NCKAP5: variants seen among roughly 807,000 people sequenced by gnomAD.
NCKAP5 encodes the protein NCK associated protein 5, also known as nck-associated protein 5.
A neutral mutation model predicts 167.0 loss-of-function variants in NCKAP5; 92 were observed. The ratio of observed to expected loss-of-function variants is 0.55; its 90% CI spans 0.47 to 0.66. NCKAP5 has a LOEUF of 0.66. Ranked by LOEUF, NCKAP5 falls within the 30% of genes least tolerant of loss-of-function variation. The probability of loss-of-function intolerance (pLI) is 0.00; values close to 1 mark genes in which losing one functional copy is unlikely to be tolerated. For synonymous variants in NCKAP5, 891 were observed against 877.4 expected (o/e 1.02, Z -0.27); for missense variants, 2,378 against 2,315.0 (o/e 1.03, Z -0.56).
intron 3 of NCKAP5, among the ~76,000 whole-genome samples, chr2:133,341,284 AT>A (rs11362448): frequency 0.26 from 37,720 of 145,646 alleles, 4,655 homozygotes; most frequent in East Asian, 0.51. Context: ...AAGTGAGCAG[AT>A]TTTTTTTTTT....
At chr2:133,571,196 T>C (rs4954067), upstream of NCKAP5, among the ~76,000 whole-genome samples, 75,279 of 145,844 alleles carry the variant, frequency 0.52, 19,456 homozygotes, top group South Asian at 0.61. Flanking sequence ...GTTTCCTGCA[T>C]ATTTTTATTT....
At chr2:132,894,626 A>G (rs746609373) in intron 8 of NCKAP5, among the ~76,000 whole-genome samples, 4 of 152,190 alleles carry the variant, frequency 2.6e-5, no homozygotes, top group Admixed American at 6.5e-5. Context: ...CTCAAGGATG[A>G]ATATTGTCCC....
intron 2 of NCKAP5, among the ~76,000 whole-genome samples, chr2:133,519,807 A>C (rs1684323895): frequency 6.6e-6 from 1 of 152,186 alleles, no homozygotes; most frequent in Non-Finnish European, 1.5e-5. Context: ...CTCATATTTT[A>C]GTGAGGCATA....
In NCKAP5 at chr2:132,781,793, G is replaced by T; in HGVS notation, c.4871+147C>A. 5 of 644,722 alleles carry T rather than the reference G, an allele frequency of 7.8e-6. No individual in the cohort carries two copies. In the South Asian group the frequency reaches 8.1e-5, roughly 10 times the overall value. The allele number at this position is 644,722 out of a possible 1,614,324, so 39.9% of individuals were successfully genotyped here. A position where few individuals can be genotyped will look rare whatever the true frequency, so the allele number is the denominator to read the frequency against. The stretch of plus-strand genomic sequence containing the variant: ...CTTTTATTTCATTGCTTAAATTCTG[G>T]CTAATGTATAAAAGACTGCTACTAT... On this transcript the variant is annotated intron_variant, in intron 14 of 19. Coordinates refer to ENST00000409261, the MANE Select transcript of NCKAP5 (RefSeq NM_207363.3).
intron 4 of NCKAP5, among the ~76,000 whole-genome samples, chr2:133,277,339 A>G (rs561822198): frequency 6.6e-6 from 1 of 152,330 alleles, no homozygotes; most frequent in South Asian, 2.1e-4. Context: ...ATTAATATAT[A>G]GAAGTCAGTT....
chr2:133,666,960 A>G, the NCKAP5 span, among the ~76,000 whole-genome samples: 1 of 152,014 alleles, frequency 6.6e-6, no homozygotes, highest in African/African-American at 2.4e-5. Context: ...GCTAAAGAGG[A>G]AGGACTTGAA....
chr2:133,387,943 T>A (rs1450604786), intron 3 of NCKAP5, among the ~76,000 whole-genome samples: 3 of 152,190 alleles, frequency 2.0e-5, no homozygotes, highest in Non-Finnish European at 4.4e-5. Flanking sequence ...TAGCCATTCA[T>A]CCAATCTTTT....
At chr2:133,599,280 G>A in the NCKAP5 span, among the ~76,000 whole-genome samples, 1 of 152,188 alleles carries the variant, frequency 6.6e-6, no homozygotes, top group Non-Finnish European at 1.5e-5. Flanking sequence ...ATCCTAGAAG[G>A]CACTTTGAGA....
At chr2:133,543,957 C>T (rs1198636082) in intron 2 of NCKAP5, among the ~76,000 whole-genome samples, 1 of 152,196 alleles carries the variant, frequency 6.6e-6, no homozygotes, top group East Asian at 1.9e-4. Flanking sequence ...TTATCTCTAT[C>T]CCAGTACTGA....
chr2:133,116,743 C>T (rs1031267845), intron 6 of NCKAP5, among the ~76,000 whole-genome samples: 3 of 152,198 alleles, frequency 2.0e-5, no homozygotes, highest in African/African-American at 4.8e-5. Flanking sequence ...AAGGGACAGA[C>T]AGACCTGACT....
At chr2:133,650,272 TA>T in the NCKAP5 span, among the ~76,000 whole-genome samples, 1 of 152,150 alleles carries the variant, frequency 6.6e-6, no homozygotes, top group African/African-American at 2.4e-5. Flanking sequence ...TAATATTGTT[TA>T]AATGTTTATG....
intron 11 of NCKAP5, 49 bp from the exon 12 acceptor site, chr2:132,796,778 G>T: frequency 7.7e-7 from 1 of 1,306,798 alleles, no homozygotes; most frequent in Non-Finnish European, 1.1e-6. Context: ...TTAATTATTT[G>T]TCTCAAAATC....
chr2:133,222,277 A>T (rs1317489594), intron 4 of NCKAP5, among the ~76,000 whole-genome samples: 1 of 152,084 alleles, frequency 6.6e-6, no homozygotes, highest in Non-Finnish European at 1.5e-5. Context: ...AGCAATAGTA[A>T]TTATATTACA....
chr2:133,318,700 A>C (rs1681795315), intron 3 of NCKAP5, among the ~76,000 whole-genome samples: 1 of 152,162 alleles, frequency 6.6e-6, no homozygotes, highest in Admixed American at 6.5e-5. Flanking sequence ...TTTAAGTTGA[A>C]AGCCCTTGTG....
At chr2:133,495,506 T>C (rs558671518) in intron 3 of NCKAP5, among the ~76,000 whole-genome samples, 205 of 152,320 alleles carry the variant, frequency 1.3e-3, no homozygotes, top group African/African-American at 4.9e-3. Context: ...ATTACCTCCC[T>C]CAAACCATTG....
chr2:133,493,600 T>C (rs971841030), intron 3 of NCKAP5, among the ~76,000 whole-genome samples: 3 of 152,168 alleles, frequency 2.0e-5, no homozygotes, highest in Non-Finnish European at 4.4e-5. Context: ...CAAAAAGGAA[T>C]GAATAAATGA....
intron 3 of NCKAP5, among the ~76,000 whole-genome samples, chr2:133,406,777 T>C (rs1688465243): frequency 6.6e-6 from 1 of 152,216 alleles, no homozygotes; most frequent in Non-Finnish European, 1.5e-5. Context: ...CTGTCTATAC[T>C]GTCCCATTCC....
At chr2:133,207,289 C>T (rs1226459520) in intron 5 of NCKAP5, among the ~76,000 whole-genome samples, 2 of 152,156 alleles carry the variant, frequency 1.3e-5, no homozygotes, top group African/African-American at 4.8e-5. Context: ...GACCAACTGA[C>T]ACTTAGGGAA....
chr2:133,449,754 CG>C (rs1002036010), intron 3 of NCKAP5, among the ~76,000 whole-genome samples: 2 of 151,806 alleles, frequency 1.3e-5, no homozygotes, highest in African/African-American at 4.8e-5. Context: ...TGTGCTGTAT[CG>C]ATTTGAACTA....
Sources: gnomAD v4.1 joint callset for allele counts (sites outside exome capture counted in the v4.1 genomes callset) on GRCh38, gnomAD v4.1.1 for gene constraint, MANE v1.5 for transcripts, NCBI Gene and HGNC (gene_info 2026-07-23, HGNC 2026-07-21) for gene names.